ADCY2: variants seen among roughly 807,000 people sequenced by gnomAD.
ADCY2 encodes adenylate cyclase 2.
A neutral mutation model predicts 125.2 loss-of-function variants in ADCY2; 31 were observed. That is an observed-to-expected ratio of 0.25 (90% CI 0.19 to 0.33). The LOEUF (loss-of-function observed/expected upper bound fraction) is 0.33. Among genes scored for constraint, ADCY2 ranks in the 10% least tolerant of loss-of-function variants. The pLI is 1.00. For synonymous variants in ADCY2, 512 were observed against 548.4 expected (o/e 0.93, Z 0.93); for missense variants, 904 against 1,418.2 (o/e 0.64, Z 5.82).
intron 3 of ADCY2, among the ~76,000 whole-genome samples, chr5:7,548,516 G>A (rs1285832893): frequency 6.6e-6 from 1 of 152,156 alleles, no homozygotes; most frequent in Non-Finnish European, 1.5e-5. Flanking sequence ...GAGTGAGCAT[G>A]AACCTGCCTG....
chr5:7,473,283 G>A (rs1742406177), intron 2 of ADCY2, among the ~76,000 whole-genome samples: 1 of 152,112 alleles, frequency 6.6e-6, no homozygotes, highest in Admixed American at 6.5e-5. Flanking sequence ...TCTTCTGGTG[G>A]GGGCCTCCAG....
intron 17 of ADCY2, among the ~76,000 whole-genome samples, chr5:7,772,201 A>G (rs543511994): frequency 6.6e-6 from 1 of 152,360 alleles, no homozygotes; most frequent in East Asian, 1.9e-4. Context: ...AGTTGAATTC[A>G]GAGCTATCCA....
intron 16 of ADCY2, among the ~76,000 whole-genome samples, 197 bp downstream of exon 16, chr5:7,757,783 G>A (rs112914642): frequency 1.0e-3 from 154 of 152,306 alleles, no homozygotes; most frequent in African/African-American, 3.4e-3. Context: ...CTGTTCTGTG[G>A]AATTTTGGAA....
At chr5:7,759,985 G>A (rs1291876842) in intron 16 of ADCY2, among the ~76,000 whole-genome samples, 1 of 152,148 alleles carries the variant, frequency 6.6e-6, no homozygotes, top group Non-Finnish European at 1.5e-5. Context: ...CTCAGGGTGG[G>A]GAACTCAAGA....
chr5:7,769,196 G>GAA (rs1222568038), intron 17 of ADCY2, among the ~76,000 whole-genome samples: 1 of 152,116 alleles, frequency 6.6e-6, no homozygotes, highest in Non-Finnish European at 1.5e-5. Context: ...TTTTAAAAGT[G>GAA]AAAAGGTTTA....
In ADCY2 at chr5:7,752,174, AAAG is replaced by A. The variant is rs916096088; in HGVS notation, c.1957-5271_1957-5269del. 1.7e-3 allele frequency among the ~76,000 whole-genome samples: 255 copies of A among 152,358 alleles called. 1 individual carries two copies. The highest frequency in any genetic ancestry group is 5.7e-3 in the African/African-American group (238 of 41,590). ...TTTGTAAAATATGATTGATTGGCAT[AAAG>A]AAGTCTTCCTATGGGAAATTAAAGG... On this transcript the variant is annotated intron_variant, in intron 15 of 24. Coordinates refer to ENST00000338316, the MANE Select transcript of ADCY2 (RefSeq NM_020546.3).
chr5:7,498,449 C>T (rs577534651), intron 2 of ADCY2, among the ~76,000 whole-genome samples: 8 of 151,922 alleles, frequency 5.3e-5, no homozygotes, highest in Admixed American at 2.0e-4. Context: ...GGGGTTTCAC[C>T]GTGTTAACCA....
intron 4 of ADCY2, among the ~76,000 whole-genome samples, chr5:7,662,744 A>G (rs1314789676): frequency 6.6e-6 from 1 of 152,136 alleles, no homozygotes; most frequent in Non-Finnish European, 1.5e-5. Context: ...GGACCACCCT[A>G]TCCTGGTTGT....
At chr5:7,552,850 T>C (rs1735382781) in intron 3 of ADCY2, among the ~76,000 whole-genome samples, 1 of 152,230 alleles carries the variant, frequency 6.6e-6, no homozygotes, top group South Asian at 2.1e-4. Flanking sequence ...TAAATATTTT[T>C]CTGATAATAC....
At chr5:7,680,276 A>G (rs1312519206) in intron 4 of ADCY2, among the ~76,000 whole-genome samples, 4 of 152,110 alleles carry the variant, frequency 2.6e-5, no homozygotes, top group Non-Finnish European at 5.9e-5. Flanking sequence ...GTCTCAGTCT[A>G]CTGGACAGAT....
At chr5:7,508,296 A>G (rs1387797161) in intron 2 of ADCY2, among the ~76,000 whole-genome samples, 1 of 152,198 alleles carries the variant, frequency 6.6e-6, no homozygotes, top group Non-Finnish European at 1.5e-5. Flanking sequence ...TCTGATAAAT[A>G]ATACTGAATA....
At chr5:7,556,618 G>A (rs558947236) in intron 3 of ADCY2, among the ~76,000 whole-genome samples, 153 of 152,274 alleles carry the variant, frequency 1.0e-3, no homozygotes, top group African/African-American at 3.4e-3. Flanking sequence ...AGGGGTCCCT[G>A]TCCCCAGGGC....
chr5:7,767,796 C>T (rs1330158862), intron 17 of ADCY2, among the ~76,000 whole-genome samples: 13 of 151,834 alleles, frequency 8.6e-5, no homozygotes, highest in African/African-American at 2.9e-4. Context: ...TTTGGGAGTC[C>T]GAGGCAGGCA....
intron 3 of ADCY2, among the ~76,000 whole-genome samples, chr5:7,615,192 C>G (rs1272725847): frequency 2.6e-5 from 4 of 152,102 alleles, no homozygotes; most frequent in Admixed American, 1.3e-4. Flanking sequence ...CCCACCAGCC[C>G]CCTCCTTCAA....
At chr5:7,451,528 G>A (rs1741469827) in intron 2 of ADCY2, among the ~76,000 whole-genome samples, 1 of 152,190 alleles carries the variant, frequency 6.6e-6, no homozygotes, top group South Asian at 2.1e-4. Context: ...CACTCTTGAT[G>A]AAGATGCCAT....
intron 3 of ADCY2, among the ~76,000 whole-genome samples, chr5:7,559,269 A>G (rs1021943373): frequency 2.6e-5 from 4 of 152,214 alleles, no homozygotes; most frequent in African/African-American, 9.6e-5. Context: ...TTTAGGCAAT[A>G]TGGCCATTTT....
Position 7,727,074 on chromosome 5 carries a change from G to A in ADCY2, c.1774-90G>A, listed in dbSNP as rs1235025899. ...AATCTGCACAATTTCTGAGTGTGGT[G>A]CATGCTCTGGGTACAACTAGGCTGC... On this transcript the variant is annotated intron_variant, in intron 13 of 24. Transcript: ENST00000338316. 8 of 900,350 alleles carry A rather than the reference G, an allele frequency of 8.9e-6. No individual in the cohort carries two copies. In the Admixed American group the frequency reaches 1.6e-4, roughly 18 times the overall value. The allele number at this position is 900,350 out of a possible 1,614,324, so 55.8% of individuals were successfully genotyped here. A position where few individuals can be genotyped will look rare whatever the true frequency, so the allele number is the denominator to read the frequency against.
chr5:7,504,232 C>T (rs367671486), intron 2 of ADCY2, among the ~76,000 whole-genome samples: 123 of 152,184 alleles, frequency 8.1e-4, no homozygotes, highest in African/African-American at 2.6e-3. Flanking sequence ...GTTTGTGAAA[C>T]GACAGAGCCA....
intron 2 of ADCY2, among the ~76,000 whole-genome samples, chr5:7,505,967 T>A (rs370445647): frequency 2.0e-5 from 3 of 152,134 alleles, no homozygotes; most frequent in East Asian, 1.9e-4. Flanking sequence ...ACATTTTATT[T>A]TTTTTTTTAT....
Sources: gnomAD v4.1 joint callset for allele counts (sites outside exome capture counted in the v4.1 genomes callset) on GRCh38, gnomAD v4.1.1 for gene constraint, MANE v1.5 for transcripts, NCBI Gene and HGNC (gene_info 2026-07-23, HGNC 2026-07-21) for gene names.